The following RFX3 variants were observed in gnomAD, a reference collection of about 807,000 sequenced individuals.
The protein encoded by RFX3 is transcription factor RFX3.
Under a neutral mutation model 98.6 loss-of-function variants are expected in RFX3, and 14 were observed. The observed-to-expected ratio is 0.14, with a 90% CI of 0.09 to 0.22. RFX3 has a LOEUF of 0.22. RFX3 is among the 10% of genes least tolerant of loss of function. The pLI is 1.00. For missense variants in RFX3, 639 were observed against 926.9 expected (o/e 0.69, Z 4.03); for synonymous variants, 383 against 328.4 (o/e 1.17, Z -1.80).
chr9:3,275,288 G>C (rs1001769541), intron 9 of RFX3, among the ~76,000 whole-genome samples: 2 of 152,014 alleles, frequency 1.3e-5, no homozygotes, highest in Non-Finnish European at 2.9e-5. Flanking sequence ...TTAAGAAATA[G>C]AGAATAAAAC....
chr9:3,439,919 T>C (rs7853728), intron 1 of RFX3, among the ~76,000 whole-genome samples: 12,256 of 152,058 alleles, frequency 0.081, 524 homozygotes, highest in East Asian at 0.11. Context: ...CAGAACTACG[T>C]AGAGTCAGTC....
Position 3,375,902 on chromosome 9 carries a change from G to A in RFX3, c.117+19570C>T, listed in dbSNP as rs746868197. Among the ~76,000 whole-genome samples the A allele has an allele frequency of 1.7e-4, 26 of 152,104 alleles. 1 individual carries two copies. The highest frequency in any genetic ancestry group is 2.8e-4 in the Non-Finnish European group (19 of 68,022). On this transcript the variant is annotated intron_variant, in intron 2 of 16. Transcript: ENST00000617270. ...TTGAACCCATGAAGCAGAGGTTGCA[G>A]TGAGCTGAGATAGCGCCACTGCACT...
chr9:3,346,908 G>A, intron 2 of RFX3, 144 bp from the exon 3 acceptor site: 1 of 629,896 alleles, frequency 1.6e-6, no homozygotes, highest in Non-Finnish European at 2.9e-6. Flanking sequence ...TCATGTCATA[G>A]TTTCAAGATA....
At position 3,248,287 on chromosome 9, in the gene RFX3, T is replaced by C. The variant is rs78518953; in HGVS notation, c.1815-102A>G. On this transcript the variant is annotated intron_variant, in intron 14 of 16. Transcript: ENST00000617270. ...AAAAAAGTCAAGCTGGGAGTCTATA[T>C]GGTTGGTATAGTATAAAACCTGCCA... 5,825 of 1,406,058 alleles carry C rather than the reference T, an allele frequency of 4.1e-3. 201 individuals carry two copies. In the African/African-American group the frequency reaches 0.075, roughly 18 times the overall value. 87.1% of individuals were successfully genotyped at this position (1,406,058 alleles called of 1,614,324 possible).
Position 3,483,659 on chromosome 9 carries a change from C to T in RFX3, c.-9+42088G>A, listed in dbSNP as rs192055810. 2.0e-4 allele frequency among the ~76,000 whole-genome samples: 30 copies of T among 152,198 alleles called. No individual in the cohort carries two copies. The East Asian group carries it at 4.8e-3, about 24-fold the overall frequency. On this transcript the variant is annotated intron_variant, in intron 1 of 16. Coordinates refer to ENST00000617270, the MANE Select transcript of RFX3 (RefSeq NM_001282116.2). Reference sequence around the variant, plus strand: ...ACATTGAAATCCAGATTATAGATATCCAGGTATATGCTTTCCTCTATTAGT... The same window carrying T: ...ACATTGAAATCCAGATTATAGATATTCAGGTATATGCTTTCCTCTATTAGT...
At chr9:3,344,606 C>G in intron 3 of RFX3, 1 of 525,730 alleles carries the variant, frequency 1.9e-6, no homozygotes, top group Non-Finnish European at 3.4e-6. Flanking sequence ...ATTTCAACTG[C>G]CCTTTTCCCT....
intron 5 of RFX3, among the ~76,000 whole-genome samples, chr9:3,297,262 G>C (rs1021997093): frequency 1.3e-5 from 2 of 151,872 alleles, no homozygotes; most frequent in African/African-American, 4.8e-5. Flanking sequence ...TAAAATGTAT[G>C]CTGACTTCAA....
chr9:3,337,046 T>G (rs1335310306), intron 3 of RFX3, among the ~76,000 whole-genome samples: 1 of 152,124 alleles, frequency 6.6e-6, no homozygotes, highest in Non-Finnish European at 1.5e-5. Context: ...AAGTTTGGAT[T>G]TTGATTTGGG....
chr9:3,234,545 G>A (rs1313918457), intron 15 of RFX3, among the ~76,000 whole-genome samples: 2 of 152,158 alleles, frequency 1.3e-5, no homozygotes, highest in Non-Finnish European at 2.9e-5. Flanking sequence ...GGAGGCTAAG[G>A]TAGGAGAATC....
At chr9:3,389,945 T>C (rs1476738905) in intron 2 of RFX3, among the ~76,000 whole-genome samples, 2 of 152,108 alleles carry the variant, frequency 1.3e-5, no homozygotes, top group Non-Finnish European at 2.9e-5. Context: ...CCATATTGTC[T>C]AAGAAAGTGT....
intron 1 of RFX3, among the ~76,000 whole-genome samples, chr9:3,467,661 A>T (rs561173066): frequency 6.6e-4 from 101 of 152,284 alleles, no homozygotes; most frequent in Non-Finnish European, 1.1e-3. Flanking sequence ...AGTCTTCAAA[A>T]GAGGACAACA....
At chr9:3,293,399 A>T (rs1357702711) in intron 5 of RFX3, 141 bp from the exon 6 acceptor site, 15 of 582,590 alleles carry the variant, frequency 2.6e-5, no homozygotes, top group African/African-American at 5.7e-5. Flanking sequence ...ATAATTCAGA[A>T]GGTGGTAATC....
intron 7 of RFX3, among the ~76,000 whole-genome samples, chr9:3,285,682 A>G (rs994529292): frequency 2.6e-5 from 4 of 151,862 alleles, no homozygotes; most frequent in Non-Finnish European, 1.5e-5. Flanking sequence ...AACTTGTATC[A>G]TTAAAAAAAC....
At chr9:3,296,935 C>T (rs1387417424) in intron 5 of RFX3, among the ~76,000 whole-genome samples, 2 of 152,048 alleles carry the variant, frequency 1.3e-5, no homozygotes, top group Admixed American at 6.6e-5. Flanking sequence ...CCATCCTATA[C>T]GCCAGTATTT....
chr9:3,312,172 G>A (rs1434839097), intron 4 of RFX3, among the ~76,000 whole-genome samples: 1 of 152,078 alleles, frequency 6.6e-6, no homozygotes, highest in Non-Finnish European at 1.5e-5. Context: ...TCAGTCATAT[G>A]TATACATGTA....
intron 1 of RFX3, among the ~76,000 whole-genome samples, chr9:3,416,767 T>C (rs1253668567): frequency 2.0e-5 from 3 of 151,828 alleles, no homozygotes; most frequent in Non-Finnish European, 4.4e-5. Context: ...CAACATAAAA[T>C]GGAATCATAA....
At chr9:3,460,423 G>C (rs1033789952) in intron 1 of RFX3, among the ~76,000 whole-genome samples, 2 of 151,870 alleles carry the variant, frequency 1.3e-5, no homozygotes, top group Non-Finnish European at 2.9e-5. Context: ...TCACATAATA[G>C]ATTTAATATT....
intron 9 of RFX3, among the ~76,000 whole-genome samples, chr9:3,271,423 C>A (rs942884636): frequency 6.6e-6 from 1 of 151,696 alleles, no homozygotes; most frequent in African/African-American, 2.4e-5. Context: ...TGCTTTCATT[C>A]CTCTCTTCTT....
intron 1 of RFX3, among the ~76,000 whole-genome samples, chr9:3,484,017 G>GGTGAATATAGGGCAGCAACTCATAATCAT (rs1378431732): frequency 6.6e-6 from 1 of 152,020 alleles, no homozygotes; most frequent in South Asian, 2.1e-4. Context: ...TAACATCCCA[G>GGTGAATATAGGGCAGCAACTCATAATCAT]GTGAATATAG....
Sources: allele counts gnomAD v4.1 joint callset (sites outside exome capture counted in the v4.1 genomes callset), GRCh38; gene constraint gnomAD v4.1.1; transcripts MANE v1.5; gene names NCBI Gene and HGNC (gene_info 2026-07-23, HGNC 2026-07-21).